EBF2: variants seen among roughly 807,000 people sequenced by gnomAD.
EBF2 encodes the protein transcription factor COE2.
EBF2 carries 21 observed loss-of-function variants against 72.8 expected under a neutral mutation model. That is an observed-to-expected ratio of 0.29 (90% CI 0.20 to 0.42). The LOEUF (loss-of-function observed/expected upper bound fraction) is 0.42, where lower values mean the gene tolerates loss of function less well. Among genes scored for constraint, EBF2 ranks in the 10% least tolerant of loss-of-function variants. The pLI, the probability that EBF2 is intolerant of heterozygous loss-of-function variation, is 1.00. For synonymous variants in EBF2, 299 were observed against 274.2 expected, an observed-to-expected ratio of 1.09 and a Z score of -0.89; for missense variants, 637 against 731.2, an observed-to-expected ratio of 0.87 and a Z score of 1.49.
chr8:26,013,893 A>C (rs1805067300), intron 6 of EBF2, among the ~76,000 whole-genome samples: 1 of 152,168 alleles, frequency 6.6e-6, no homozygotes, highest in Non-Finnish European at 1.5e-5. Flanking sequence ...ATATTGCTAT[A>C]ACACCTTCCC....
At chr8:25,916,347 C>G (rs1029493446) in intron 6 of EBF2, among the ~76,000 whole-genome samples, 11 of 150,900 alleles carry the variant, frequency 7.3e-5, no homozygotes, top group African/African-American at 2.4e-4. Flanking sequence ...CAAAAAAACA[C>G]TTTTCAAGGC....
intron 13 of EBF2, among the ~76,000 whole-genome samples, chr8:25,860,695 T>C (rs1802197751): frequency 6.6e-6 from 1 of 151,784 alleles, no homozygotes; most frequent in South Asian, 2.1e-4. Flanking sequence ...TGGCTATTTT[T>C]TTATAGAGAT....
intron 6 of EBF2, among the ~76,000 whole-genome samples, chr8:25,961,710 G>C (rs762331931): frequency 6.6e-6 from 1 of 152,142 alleles, no homozygotes; most frequent in Non-Finnish European, 1.5e-5. Flanking sequence ...ACTTGGAGAT[G>C]ACTCCTCATA....
chr8:25,850,584 C>T lies in EBF2; in HGVS notation c.1696+10G>A, dbSNP rs1168167840. On this transcript the variant is annotated intron_variant, in intron 15 of 15. Coordinates refer to ENST00000520164, the MANE Select transcript of EBF2 (RefSeq NM_022659.4). ...ACATTGTGTATCCCCAAAATAGAAC[C>T]CTTGCTTACCTCTGAATCCATTTCC... The T allele has an allele frequency of 1.3e-6, 2 of 1,537,770 alleles. No individual in the cohort carries two copies. The highest frequency in any genetic ancestry group is 2.3e-5 in the Admixed American group (1 of 42,700).
At chr8:25,922,935 T>C (rs1006339269) in intron 6 of EBF2, among the ~76,000 whole-genome samples, 28 of 146,450 alleles carry the variant, frequency 1.9e-4, no homozygotes, top group Non-Finnish European at 3.4e-4. Flanking sequence ...CAGTGAATAA[T>C]GGAATACAAC....
intron 6 of EBF2, among the ~76,000 whole-genome samples, chr8:25,909,534 T>C (rs749604262): frequency 1.3e-5 from 2 of 152,168 alleles, no homozygotes; most frequent in African/African-American, 2.4e-5. Context: ...CTCACATCCA[T>C]GTCTTGAATT....
At chr8:25,871,130 T>TAAG (rs1802433340) in intron 10 of EBF2, among the ~76,000 whole-genome samples, 1 of 152,194 alleles carries the variant, frequency 6.6e-6, no homozygotes, top group African/African-American at 2.4e-5. Context: ...TTTGCGTCTC[T>TAAG]TAGATTCAGC....
chr8:26,032,558 T>C (rs1343190188), intron 6 of EBF2: 3 of 152,280 alleles, frequency 2.0e-5, no homozygotes, highest in African/African-American at 7.2e-5. Flanking sequence ...TGAATTAGTG[T>C]CTTGTCCCAA....
chr8:26,025,916 A>T (rs117469632), intron 6 of EBF2, among the ~76,000 whole-genome samples: 304 of 152,336 alleles, frequency 2.0e-3, no homozygotes, highest in Non-Finnish European at 3.1e-3. Flanking sequence ...CCACACCAGT[A>T]ATCACAACAC....
chr8:25,933,885 C>T (rs1042908954), intron 6 of EBF2, among the ~76,000 whole-genome samples: 14 of 151,954 alleles, frequency 9.2e-5, no homozygotes, highest in African/African-American at 2.9e-4. Context: ...TATTTCTGAG[C>T]GGTAAGTTAC....
intron 7 of EBF2, among the ~76,000 whole-genome samples, chr8:25,899,700 G>A (rs557486371): frequency 1.3e-5 from 2 of 152,318 alleles, no homozygotes; most frequent in African/African-American, 4.8e-5. Context: ...CGTGCCCTTT[G>A]CTCTCACGTC....
chr8:25,990,294 T>G (rs912653871), intron 6 of EBF2, among the ~76,000 whole-genome samples: 1 of 152,096 alleles, frequency 6.6e-6, no homozygotes, highest in African/African-American at 2.4e-5. Context: ...TATATGTGGA[T>G]TGTTATATTA....
At chr8:25,908,259 A>G (rs1463746484) in intron 7 of EBF2, among the ~76,000 whole-genome samples, 1 of 152,158 alleles carries the variant, frequency 6.6e-6, no homozygotes, top group Non-Finnish European at 1.5e-5. Context: ...GCCTCTCCCC[A>G]TAGGGCTTTG....
intron 6 of EBF2, among the ~76,000 whole-genome samples, chr8:26,026,667 C>T (rs1049235818): frequency 6.6e-6 from 1 of 152,140 alleles, no homozygotes; most frequent in Non-Finnish European, 1.5e-5. Context: ...CCAACAGCAC[C>T]CACTCCTTCC....
Position 25,844,655 on chromosome 8 carries a change from T to A in EBF2, c.1697-15A>T, listed in dbSNP as rs761046134. 3 of 1,613,802 alleles carry A rather than the reference T, an allele frequency of 1.9e-6. No individual in the cohort carries two copies. In the South Asian group the frequency reaches 3.3e-5, roughly 18 times the overall value. On this transcript the variant is annotated splice_polypyrimidine_tract_variant and intron_variant, in intron 15 of 15. Transcript: ENST00000520164. ...TCCGGTCATGGCTGCAAGGAAAGAG[T>A]GGCACAGGAATGAGACTTGGGGACT...
intron 10 of EBF2, among the ~76,000 whole-genome samples, chr8:25,882,541 G>T (rs1010358581): frequency 6.6e-6 from 1 of 152,056 alleles, no homozygotes; most frequent in South Asian, 2.1e-4. Context: ...ATCAGTAAAT[G>T]GTATAAACCC....
chr8:25,892,878 T>C (rs1395692705), intron 7 of EBF2, among the ~76,000 whole-genome samples: 1 of 152,148 alleles, frequency 6.6e-6, no homozygotes, highest in Non-Finnish European at 1.5e-5. Flanking sequence ...GTACAGCCTG[T>C]CTAGCGCTGT....
chr8:25,904,377 C>G (rs912379302), intron 7 of EBF2, among the ~76,000 whole-genome samples: 1 of 149,574 alleles, frequency 6.7e-6, no homozygotes, highest in African/African-American at 2.5e-5. Flanking sequence ...CTTGATGTAA[C>G]AATTTTGGTC....
chr8:25,850,443 T>C (rs913122398), intron 15 of EBF2, 151 bp downstream of exon 15: 34 of 970,888 alleles, frequency 3.5e-5, no homozygotes, highest in Middle Eastern at 3.5e-4. Flanking sequence ...AGCACTTGCC[T>C]AGCTGTAGAA....
Sources: gnomAD v4.1 joint callset for allele counts (sites outside exome capture counted in the v4.1 genomes callset) on GRCh38, gnomAD v4.1.1 for gene constraint, MANE v1.5 for transcripts, NCBI Gene and HGNC (gene_info 2026-07-23, HGNC 2026-07-21) for gene names.